TOPBP1: variants seen among roughly 807,000 people sequenced by gnomAD.
TOPBP1 encodes the protein DNA topoisomerase II binding protein 1.
Under a neutral mutation model 167.7 loss-of-function variants are expected in TOPBP1, and 28 were observed. The ratio of observed to expected loss-of-function variants is 0.17; its 90% CI spans 0.12 to 0.23. TOPBP1 has a LOEUF of 0.23. Ranked by LOEUF, TOPBP1 falls within the 10% of genes least tolerant of loss-of-function variation. TOPBP1 has a pLI of 1.00. For missense variants in TOPBP1, 1,554 were observed against 1,809.6 expected, an observed-to-expected ratio of 0.86 and a Z score of 2.56; for synonymous variants, 598 against 611.4, an observed-to-expected ratio of 0.98 and a Z score of 0.32.
At chr3:133,619,645 T>G (rs923224371) in intron 20 of TOPBP1, among the ~76,000 whole-genome samples, 2 of 152,242 alleles carry the variant, frequency 1.3e-5, no homozygotes, top group African/African-American at 2.4e-5. Flanking sequence ...AAAATATATA[T>G]GTACTTATTG....
At chr3:133,623,563 A>T in intron 17 of TOPBP1, 106 bp from the exon 18 acceptor site, 1 of 1,264,298 alleles carries the variant, frequency 7.9e-7, no homozygotes, top group Non-Finnish European at 1.0e-6. Context: ...AATATGGCAA[A>T]AAGTTCACAA....
chr3:133,612,020 C>A (rs1264268491), intron 24 of TOPBP1, among the ~76,000 whole-genome samples: 3 of 151,392 alleles, frequency 2.0e-5, no homozygotes, highest in Non-Finnish European at 4.4e-5. Flanking sequence ...GTGGCATGAG[C>A]CAGCCACTGC....
chr3:133,637,822 A>C (rs1576302178), intron 14 of TOPBP1, 54 bp downstream of exon 14: 1 of 1,572,348 alleles, frequency 6.4e-7, no homozygotes, highest in East Asian at 2.3e-5. Context: ...TTGGTGCTTT[A>C]ACTTTATAAA....
chr3:133,611,186 G>T (rs1934663697), intron 24 of TOPBP1, 45 bp from the exon 25 acceptor site: 2 of 1,585,216 alleles, frequency 1.3e-6, no homozygotes, highest in Admixed American at 3.5e-5. Context: ...AGTCTGGGGA[G>T]CCACTGTGCA....
At chr3:133,620,708 G>A (rs1334497573) in intron 19 of TOPBP1, among the ~76,000 whole-genome samples, 5 of 151,642 alleles carry the variant, frequency 3.3e-5, no homozygotes, top group African/African-American at 4.9e-5. Context: ...CAAGTAGCTG[G>A]GATTACAGGT....
chr3:133,621,205 G>A (rs1270202499), intron 19 of TOPBP1, among the ~76,000 whole-genome samples: 1 of 152,022 alleles, frequency 6.6e-6, no homozygotes, highest in Non-Finnish European at 1.5e-5. Context: ...TAGAGACAAG[G>A]TCTCACTATG....
intron 11 of TOPBP1, 37 bp from the exon 12 acceptor site, chr3:133,643,409 A>G: frequency 1.3e-6 from 2 of 1,526,286 alleles, no homozygotes; most frequent in African/African-American, 1.4e-5. Context: ...GCCAACCTGA[A>G]ATAAGCAACC....
chr3:133,608,473 C>T, intron 27 of TOPBP1, 62 bp downstream of exon 27: 1 of 1,558,852 alleles, frequency 6.4e-7, no homozygotes, highest in Non-Finnish European at 8.7e-7. Context: ...TGTGCAGTTA[C>T]TTATCTATGC....
intron 27 of TOPBP1, among the ~76,000 whole-genome samples, chr3:133,603,197 C>T (rs1934371068): frequency 6.6e-6 from 1 of 152,058 alleles, no homozygotes; most frequent in South Asian, 2.1e-4. Context: ...TGCCCGGCCT[C>T]AGGAAGTAAT....
chr3:133,617,456 A>C (rs1188470979), intron 21 of TOPBP1, 130 bp from the exon 22 acceptor site: 1 of 1,006,674 alleles, frequency 9.9e-7, no homozygotes, highest in Non-Finnish European at 1.4e-6. Flanking sequence ...AAGTACAGGC[A>C]AAAAAGTATC....
rs1262890778 is a variant in TOPBP1 at position 133,640,163 on chromosome 3, C to T, written c.2029G>A (p.Glu677Lys). The T allele has an allele frequency of 2.5e-6, 4 of 1,611,962 alleles. No homozygotes were observed. Among genetic ancestry groups the T allele is most frequent in the Non-Finnish European group, 3.4e-6 (4 of 1,178,904 alleles). The change falls in exon 13 of 28, where the codon GAA (glutamate) becomes AAA (lysine). Residue 677 changes from glutamate (E) to lysine (K), a missense_variant. Physicochemically the swap from Glu to Lys is moderately conservative, Grantham distance 56. Transcript: ENST00000260810. ...GCATTGGATTTGCGAACAAAGTATT[C>T]TTGAACACTGAAATTTATGTTTAAA... ...LANLLGASVQ[E>K]YFVRKSNAKK... is the part of the protein sequence containing the mutation.
At position 133,617,227 on chromosome 3, in the gene TOPBP1, G is replaced by A. The variant is rs1392336138; in HGVS notation, c.3692C>T (p.Thr1231Met). The change falls in exon 22 of 28, where the codon ACG (threonine) becomes ATG (methionine). Residue 1231 changes from threonine to methionine, a missense_variant. Transcript: ENST00000260810. ...AAAGGCAATACTGGGGGCTTGAGGC[G>A]TAGGGATCAGGTGGCTGTCTTTTAT... ...TPIKDSHLIP[T>M]PQAPSIAFPL... 27 of 1,613,794 alleles carry A rather than the reference G, an allele frequency of 1.7e-5. No homozygotes were observed. Among genetic ancestry groups the A allele is most frequent in the East Asian group, 2.2e-5 (1 of 44,896 alleles).
At chr3:133,613,920 G>A (rs1934770937) in intron 23 of TOPBP1, among the ~76,000 whole-genome samples, 1 of 151,654 alleles carries the variant, frequency 6.6e-6, no homozygotes, top group South Asian at 2.1e-4. Context: ...AGCCTTCTGA[G>A]TAGCTGGGAT....
intron 12 of TOPBP1, among the ~76,000 whole-genome samples, chr3:133,641,343 A>G (rs1935884412): frequency 6.6e-6 from 1 of 152,148 alleles, no homozygotes; most frequent in Non-Finnish European, 1.5e-5. Context: ...ACTGTTATTT[A>G]GTGAAGTTTC....
At chr3:133,633,488 T>C (rs138638337) in intron 14 of TOPBP1, among the ~76,000 whole-genome samples, 10 of 152,326 alleles carry the variant, frequency 6.6e-5, no homozygotes, top group African/African-American at 2.4e-4. Context: ...CCTCAAGGTG[T>C]TGCTTAGAGC....
intron 24 of TOPBP1, among the ~76,000 whole-genome samples, chr3:133,612,144 T>C (rs1184164881): frequency 1.3e-5 from 2 of 151,612 alleles, no homozygotes; most frequent in African/African-American, 4.8e-5. Context: ...TGGGTTCAAG[T>C]GATTCTCCTG....
At chr3:133,617,495 T>A in intron 21 of TOPBP1, 169 bp from the exon 22 acceptor site, 2 of 568,162 alleles carry the variant, frequency 3.5e-6, no homozygotes, top group Non-Finnish European at 5.5e-6. Context: ...AATAAATGCA[T>A]CCCATCTGCA....
intron 27 of TOPBP1, among the ~76,000 whole-genome samples, chr3:133,603,044 C>T (rs1025298640): frequency 2.6e-5 from 4 of 151,738 alleles, no homozygotes; most frequent in African/African-American, 4.8e-5. Context: ...TACAGGTGTG[C>T]GCCACGACAC....
chr3:133,624,686 T>C (rs9876463), intron 16 of TOPBP1, among the ~76,000 whole-genome samples: 1,543 of 152,308 alleles, frequency 0.01, 27 homozygotes, highest in East Asian at 0.037. Flanking sequence ...AATTAATAAA[T>C]TGCAAAGCAT....
Sources: allele counts gnomAD v4.1 joint callset (sites outside exome capture counted in the v4.1 genomes callset), GRCh38; gene constraint gnomAD v4.1.1; transcripts MANE v1.5; gene names NCBI Gene and HGNC (gene_info 2026-07-23, HGNC 2026-07-21).